The following PPP2R5B variants were observed in gnomAD, a reference collection of about 807,000 sequenced individuals.
The protein encoded by PPP2R5B is protein phosphatase 2 regulatory subunit B'beta.
PPP2R5B carries 19 observed loss-of-function variants against 59.9 expected under a neutral mutation model. That is an observed-to-expected ratio of 0.32 (90% CI 0.22 to 0.47). The LOEUF (loss-of-function observed/expected upper bound fraction) is 0.47. Ranked by LOEUF, PPP2R5B falls within the 20% of genes least tolerant of loss-of-function variation. PPP2R5B has a pLI of 1.00. For missense variants in PPP2R5B, 441 were observed against 640.2 expected (o/e 0.69, Z 3.36); for synonymous variants, 286 against 260.5 (o/e 1.10, Z -0.94).
chr11:64,922,482 T>C (rs185405755), upstream of PPP2R5B, among the ~76,000 whole-genome samples: 127 of 149,938 alleles, frequency 8.5e-4, 2 homozygotes, highest in East Asian at 0.024. Context: ...AGTGAGACTC[T>C]GTCTCAAAAA....
At chr11:64,929,374 A>G (rs1945204532) in intron 6 of PPP2R5B, among the ~76,000 whole-genome samples, 2 of 152,158 alleles carry the variant, frequency 1.3e-5, no homozygotes. Flanking sequence ...TTTGGTTCCA[A>G]CGTTTGGGTG....
rs769631724 is a variant in PPP2R5B, at chr11:64,930,307, G to T, written c.723-15G>T. On this transcript the variant is annotated splice_polypyrimidine_tract_variant and intron_variant, in intron 6 of 13. Coordinates refer to ENST00000164133, the MANE Select transcript of PPP2R5B (RefSeq NM_006244.4). The stretch of plus-strand genomic sequence containing the variant: ...CCCTGCTTGCTTTGAGCCCACCTGC[G>T]TTCTTCTCTTGCAGGTTCATCTATG... 6.2e-7 allele frequency: 1 copy of T among 1,613,908 alleles called. No homozygotes were observed. Among genetic ancestry groups the T allele is most frequent in the Non-Finnish European group, 8.5e-7 (1 of 1,179,874 alleles).
In PPP2R5B at chr11:64,928,062, C is replaced by A. The variant is rs757950819; in HGVS notation, c.499-4C>A. 2.8e-5 allele frequency: 45 copies of A among 1,614,114 alleles called. No individual in the cohort carries two copies. Among genetic ancestry groups the A allele is most frequent in the Non-Finnish European group, 3.6e-5 (43 of 1,179,942 alleles). Reference sequence around the variant, plus strand: ...TCACCTTTTTGTCTGTCCCCCTCCCCCAGCTGGTATATGAGTTTTTCCTGC... The same window carrying A: ...TCACCTTTTTGTCTGTCCCCCTCCCACAGCTGGTATATGAGTTTTTCCTGC... On this transcript the variant is annotated splice_region_variant and splice_polypyrimidine_tract_variant and intron_variant, in intron 4 of 13. Transcript: ENST00000164133.
chr11:64,933,795 C>T lies in PPP2R5B; in HGVS notation c.1445C>T (p.Pro482Leu), dbSNP rs1286478650. 2 of 1,553,398 alleles carry T rather than the reference C, an allele frequency of 1.3e-6. No individual in the cohort carries two copies. Among genetic ancestry groups the T allele is most frequent in the Non-Finnish European group, 1.7e-6 (2 of 1,148,140 alleles). Reference protein sequence around the residue: ...LQGTQGAKEAPLQRLTPQVAA... With the variant: ...LQGTQGAKEALLQRLTPQVAA... Reference sequence around the variant, plus strand: ...GGGACCCAGGGGGCCAAGGAGGCCCCCCTCCAGCGGCTTACACCCCAGGTG... The same window carrying T: ...GGGACCCAGGGGGCCAAGGAGGCCCTCCTCCAGCGGCTTACACCCCAGGTG... Residue 482 changes from proline to leucine, a missense_variant, in exon 14 of 14, where the codon CCC becomes CTC. Physicochemically the swap from Pro to Leu is moderately conservative, Grantham distance 98. This residue lies in a region of PPP2R5B where 70 missense variants were observed against 64.2 expected (regional missense o/e 1.09). Coordinates refer to ENST00000164133, the MANE Select transcript of PPP2R5B (RefSeq NM_006244.4).
rs1945246471 is a variant in PPP2R5B at position 64,933,175 on chromosome 11, C to T, written c.1275C>T (p.Leu425=). The change falls in exon 13 of 14, where the codon CTC becomes CTT. Residue 425 remains leucine, a synonymous_variant. Transcript: ENST00000164133. ...TCGTATCACTGATCTACAATGTGCT[C>T]AAGACCTTCATGGAGATGAATGGGA... ...QTIVSLIYNV[L]KTFMEMNGKL... is the part of the protein sequence containing the mutation. 1.9e-6 allele frequency: 3 copies of T among 1,613,216 alleles called. No homozygotes were observed. Among genetic ancestry groups the T allele is most frequent in the Non-Finnish European group, 2.5e-6 (3 of 1,179,312 alleles).
chr11:64,918,387 T>C (rs1473639926), intron 1 of PPP2R5B: 2 of 129,944 alleles, frequency 1.5e-5, no homozygotes, highest in African/African-American at 3.3e-5. Flanking sequence ...TGAGACAGAC[T>C]CTCTCTGTCA....
chr11:64,932,701 C>G (rs1945239917), intron 11 of PPP2R5B, 64 bp from the exon 12 acceptor site: 3 of 1,585,036 alleles, frequency 1.9e-6, no homozygotes, highest in Non-Finnish European at 2.6e-6. Flanking sequence ...GTGATGGACA[C>G]CAGACCTTGC....
At chr11:64,926,003 G>A (rs536709481) in intron 2 of PPP2R5B, 70 bp downstream of exon 2, 8 of 1,467,346 alleles carry the variant, frequency 5.5e-6, no homozygotes, top group South Asian at 1.2e-5. Flanking sequence ...GGGAGGGGTG[G>A]GAGGCAGCGG....
At chr11:64,920,493 C>T (rs56679937), upstream of PPP2R5B, among the ~76,000 whole-genome samples, 1,539 of 152,214 alleles carry the variant, frequency 0.01, 13 homozygotes, top group East Asian at 0.026. Flanking sequence ...AACCTAGCCT[C>T]GGAGTAGGAG....
At chr11:64,932,682 G>A (rs1444340798) in intron 11 of PPP2R5B, 83 bp from the exon 12 acceptor site, 41 of 1,538,066 alleles carry the variant, frequency 2.7e-5, no homozygotes, top group Admixed American at 2.2e-4. Context: ...GGGCCTGGGC[G>A]TTGAGGTAGT....
chr11:64,934,452 G>T lies in PPP2R5B; in HGVS notation c.*608G>T, dbSNP rs529891381. 3.0e-5 allele frequency: 13 copies of T among 439,888 alleles called. No individual in the cohort carries two copies. The highest frequency in any genetic ancestry group is 4.2e-5 in the Non-Finnish European group (10 of 239,032). 27.2% of individuals were successfully genotyped at this position (439,888 alleles called of 1,614,324 possible). A position where few individuals can be genotyped will look rare whatever the true frequency, so the allele number is the denominator to read the frequency against. On this transcript the variant is annotated 3_prime_UTR_variant, in exon 14 of 14. Transcript: ENST00000164133. ...ACTCCTCTTTCCGTGGCTGGGGGTA[G>T]ACTTAATAAAGAGAGAAATTCAAGA...
In PPP2R5B at chr11:64,931,614, G is replaced by A. The variant is rs1324235421; in HGVS notation, c.996+5G>A. ...AAAACCTGCACCCAGAAGGAGGTATGAAGAAGGGCTTTGATGCCCGCCAGA... is the reference window on the plus strand; with the variant it reads ...AAAACCTGCACCCAGAAGGAGGTATAAAGAAGGGCTTTGATGCCCGCCAGA... On this transcript the variant is annotated splice_donor_5th_base_variant and intron_variant, in intron 10 of 13. Transcript: ENST00000164133. This position sits in a 1 kb window ranked among gnomAD's most constrained non-coding sequence, Gnocchi z 5.0. 2.5e-6 allele frequency: 4 copies of A among 1,613,864 alleles called. No individual in the cohort carries two copies. Among genetic ancestry groups the A allele is most frequent in the Middle Eastern group, 1.6e-4 (1 of 6,062 alleles).
rs1175595350 is a variant in PPP2R5B, at chr11:64,933,683, C to T, written c.1347-14C>T. 2.6e-6 allele frequency: 4 copies of T among 1,547,242 alleles called. No homozygotes were observed. The highest frequency in any genetic ancestry group is 2.0e-5 in the Admixed American group (1 of 50,252). ...GGCCCCAGGAAAGGGAGCTGCCTCA[C>T]CCTCTCTCCCCAGGGAGCAGCAGAA... On this transcript the variant is annotated splice_polypyrimidine_tract_variant and intron_variant, in intron 13 of 13. Transcript: ENST00000164133.
At chr11:64,918,822 A>C (rs1945077172) in intron 1 of PPP2R5B, among the ~76,000 whole-genome samples, 1 of 151,900 alleles carries the variant, frequency 6.6e-6, no homozygotes, top group African/African-American at 2.4e-5. Flanking sequence ...TGGGAGCTGG[A>C]CTCTTACATT....
chr11:64,930,690 C>A (rs1590679591), intron 8 of PPP2R5B, 101 bp downstream of exon 8: 2 of 993,602 alleles, frequency 2.0e-6, no homozygotes, highest in East Asian at 4.9e-5. Context: ...ATCTCACCTT[C>A]TTTGTCTTTA....
chr11:64,931,506 G>A lies in PPP2R5B; in HGVS notation c.945+17G>A. 1 of 1,614,054 alleles carries A rather than the reference G, an allele frequency of 6.2e-7. No individual in the cohort carries two copies. ...ACAGAGCACGTGAGTACCTCTGGGG[G>A]CTAAGGCAGCCTCTCACCTCTGCAG... is the stretch of plus-strand genomic sequence containing the variant. On this transcript the variant is annotated intron_variant, in intron 9 of 13. Transcript: ENST00000164133. The surrounding 1 kb of genome is among the most constrained non-coding windows in gnomAD (Gnocchi z 5.0).
At chr11:64,919,986 G>A (rs1489923740), upstream of PPP2R5B, among the ~76,000 whole-genome samples, 4 of 151,934 alleles carry the variant, frequency 2.6e-5, no homozygotes, top group African/African-American at 7.2e-5. Context: ...TGGCTTACAC[G>A]TGTAATCCCA....
intron 8 of PPP2R5B, 95 bp downstream of exon 8, chr11:64,930,684 C>A: frequency 2.9e-6 from 3 of 1,042,262 alleles, no homozygotes; most frequent in South Asian, 1.3e-5. Context: ...GATCCTATCT[C>A]ACCTTCTTTG....
intron 11 of PPP2R5B, among the ~76,000 whole-genome samples, chr11:64,932,363 C>T (rs1288079452): frequency 6.6e-6 from 1 of 152,246 alleles, no homozygotes; most frequent in Non-Finnish European, 1.5e-5. Flanking sequence ...GGCCATAACC[C>T]AGTGGAAGTC....
Sources: allele counts gnomAD v4.1 joint callset (sites outside exome capture counted in the v4.1 genomes callset), GRCh38; gene constraint gnomAD v4.1.1; regional missense constraint gnomAD v4.1.1; non-coding constraint Gnocchi (gnomAD v3.1); transcripts MANE v1.5; gene names NCBI Gene and HGNC (gene_info 2026-07-23, HGNC 2026-07-21).